CA4: variants seen among roughly 807,000 people sequenced by gnomAD.
CA4 encodes the protein CA-IV.
A neutral mutation model predicts 34.5 loss-of-function variants in CA4; 24 were observed. That is an observed-to-expected ratio of 0.70 (90% confidence interval 0.50 to 0.98). The LOEUF (loss-of-function observed/expected upper bound fraction) is 0.98, where lower values mean the gene tolerates loss of function less well. Among genes scored for constraint, CA4 ranks in the 50% least tolerant of loss-of-function variants. CA4 has a pLI of 0.00. For missense variants in CA4, 394 were observed against 396.7 expected (o/e 0.99, Z 0.06); for synonymous variants, 178 against 170.6 (o/e 1.04, Z -0.34).
At chr17:60,176,700 G>A in the CA4 span, among the ~76,000 whole-genome samples, 2 of 152,058 alleles carry the variant, frequency 1.3e-5, no homozygotes, top group African/African-American at 2.4e-5. Flanking sequence ...GTCACTGGAG[G>A]GATCTTGTTC....
At chr17:60,150,359 G>A (rs1444628857) in intron 1 of CA4, among the ~76,000 whole-genome samples, 1 of 152,170 alleles carries the variant, frequency 6.6e-6, no homozygotes, top group Admixed American at 6.5e-5. Context: ...CCGGCGAGAC[G>A]AGTTGGGAGT....
downstream of CA4, among the ~76,000 whole-genome samples, chr17:60,160,186 A>T (rs562876247): frequency 6.6e-6 from 1 of 152,272 alleles, no homozygotes; most frequent in African/African-American, 2.4e-5. Flanking sequence ...GGCAGAGCCG[A>T]CTGCATGACG....
intron 2 of CA4, 101 bp from the exon 3 acceptor site, chr17:60,156,459 G>C (rs2083685305): frequency 8.4e-7 from 1 of 1,187,422 alleles, no homozygotes; most frequent in Non-Finnish European, 1.3e-6. Flanking sequence ...AAGCGTTTCT[G>C]TGTGGGAACT....
At chr17:60,166,586 G>C (rs2083857763) in intron 5 of CA4, among the ~76,000 whole-genome samples, 1 of 152,218 alleles carries the variant, frequency 6.6e-6, no homozygotes, top group Non-Finnish European at 1.5e-5. Flanking sequence ...TAGAATAACA[G>C]TCAGAGATGA....
intron 5 of CA4, among the ~76,000 whole-genome samples, chr17:60,169,279 G>GCAGCAGCAGCAGCAGCAT (rs1567737725): frequency 6.7e-6 from 1 of 150,354 alleles, no homozygotes; most frequent in Non-Finnish European, 1.5e-5. Context: ...AGCAGCAGCA[G>GCAGCAGCAGCAGCAGCAT]CAGCAGCAAC....
chr17:60,158,364 T>C lies in CA4; in HGVS notation c.662T>C (p.Leu221Pro). The C allele has an allele frequency of 6.2e-7, 1 of 1,614,170 alleles. No homozygotes were observed. The highest frequency in any genetic ancestry group is 1.3e-5 in the African/African-American group (1 of 75,044). ...AAACTGAGGCACTACTTCCGCTACC[T>C]GGGCTCACTCACCACACCGACCTGC... ...EEKLRHYFRYLGSLTTPTCDE... is the reference protein window; with the variant it reads ...EEKLRHYFRYPGSLTTPTCDE... Residue 221 changes from leucine (L) to proline (P), a missense_variant, in exon 7 of 8, where the codon CTG becomes CCG. Coordinates refer to ENST00000300900, the MANE Select transcript of CA4 (RefSeq NM_000717.5).
chr17:60,152,672 G>A (rs974772660), intron 1 of CA4, among the ~76,000 whole-genome samples: 2 of 152,208 alleles, frequency 1.3e-5, no homozygotes, highest in Admixed American at 1.3e-4. Flanking sequence ...TCAGAGAAGA[G>A]GCCAGCCCAA....
At chr17:60,155,909 C>T (rs996095026) in intron 2 of CA4, among the ~76,000 whole-genome samples, 1 of 152,170 alleles carries the variant, frequency 6.6e-6, no homozygotes, top group Non-Finnish European at 1.5e-5. Flanking sequence ...AGTGATGGTC[C>T]TTTACGCTTT....
intron 5 of CA4, among the ~76,000 whole-genome samples, chr17:60,168,739 C>T (rs1368433474): frequency 1.3e-5 from 2 of 152,038 alleles, no homozygotes; most frequent in East Asian, 1.9e-4. Flanking sequence ...CCCAGAAGAT[C>T]GGGTGGTCCC....
At chr17:60,154,162 CT>C (rs1419082270) in intron 1 of CA4, among the ~76,000 whole-genome samples, 2 of 145,760 alleles carry the variant, frequency 1.4e-5, no homozygotes, top group African/African-American at 5.1e-5. Context: ...ATCTTGATTT[CT>C]TTCCAAGTCA....
downstream of CA4, among the ~76,000 whole-genome samples, chr17:60,160,534 C>T (rs149619147): frequency 0.017 from 2,513 of 151,772 alleles, 70 homozygotes; most frequent in African/African-American, 0.058. Context: ...GAAGCCGAGG[C>T]GGGCAGATCA....
Position 60,155,465 on chromosome 17 carries a change from G to T in CA4, c.112+98G>T, listed in dbSNP as rs898974150. 4.6e-6 allele frequency: 4 copies of T among 868,206 alleles called. No individual in the cohort carries two copies. The East Asian group carries it at 8.3e-5, about 18-fold the overall frequency. 53.8% of individuals were successfully genotyped at this position (868,206 alleles called of 1,614,324 possible). ...GAAGAGTGGGAAGGGGAGGGGTGAT[G>T]GTGGCTTCCCAGGCAGATATCAGTT... On this transcript the variant is annotated intron_variant, in intron 2 of 7. Coordinates refer to ENST00000300900, the MANE Select transcript of CA4 (RefSeq NM_000717.5).
rs1200045420 is a variant in CA4 at position 60,158,051 on chromosome 17, C to T, written c.514-10C>T. The T allele has an allele frequency of 6.2e-7, 1 of 1,613,906 alleles. No homozygotes were observed. The highest frequency in any genetic ancestry group is 2.2e-5 in the East Asian group (1 of 44,862). On this transcript the variant is annotated splice_polypyrimidine_tract_variant and intron_variant, in intron 5 of 7. Coordinates refer to ENST00000300900, the MANE Select transcript of CA4 (RefSeq NM_000717.5). ...GCAGACTTTCTCAAGACCCTTCCCTCCCTTTCCAGGCTGGAACCCAGGTGA... is the reference window on the plus strand; with the variant it reads ...GCAGACTTTCTCAAGACCCTTCCCTTCCTTTCCAGGCTGGAACCCAGGTGA...
At chr17:60,162,112 G>C (rs1443068327), downstream of CA4, among the ~76,000 whole-genome samples, 1 of 152,136 alleles carries the variant, frequency 6.6e-6, no homozygotes, top group Non-Finnish European at 1.5e-5. Context: ...CCAGGGCCTG[G>C]GGCTCTGGCC....
intron 1 of CA4, among the ~76,000 whole-genome samples, 198 bp downstream of exon 1, chr17:60,150,290 C>G (rs1312486965): frequency 6.6e-6 from 1 of 152,184 alleles, no homozygotes; most frequent in Non-Finnish European, 1.5e-5. Flanking sequence ...ACACGCGTGT[C>G]AGCACCGGCT....
intron 5 of CA4, among the ~76,000 whole-genome samples, chr17:60,169,911 A>G (rs1284601720): frequency 2.0e-5 from 3 of 152,218 alleles, no homozygotes; most frequent in African/African-American, 4.8e-5. Context: ...TTCTGAATAC[A>G]TATCAGTTTT....
chr17:60,178,792 T>G, the CA4 span, among the ~76,000 whole-genome samples: 30 of 152,272 alleles, frequency 2.0e-4, no homozygotes, highest in African/African-American at 7.0e-4. Context: ...TTCTCCATCT[T>G]GTCAATATAA....
downstream of CA4, among the ~76,000 whole-genome samples, chr17:60,164,367 T>A (rs2083833332): frequency 6.7e-6 from 1 of 149,794 alleles, no homozygotes; most frequent in South Asian, 2.1e-4. Context: ...TGTCTGTCTG[T>A]CTGTCTTTCT....
intron 1 of CA4, among the ~76,000 whole-genome samples, chr17:60,154,907 G>T (rs539414879): frequency 6.6e-6 from 1 of 152,224 alleles, no homozygotes; most frequent in South Asian, 2.1e-4. Context: ...TCCCAGGAGC[G>T]GAGGCTGGGC....
Sources: gnomAD v4.1 joint callset for allele counts (sites outside exome capture counted in the v4.1 genomes callset) on GRCh38, gnomAD v4.1.1 for gene constraint, MANE v1.5 for transcripts, NCBI Gene and HGNC (gene_info 2026-07-23, HGNC 2026-07-21) for gene names.